The following STEAP1B variants were observed in gnomAD, a reference collection of about 807,000 sequenced individuals.
The protein encoded by STEAP1B is STEAP family protein MGC87042.
STEAP1B carries 13 observed loss-of-function variants against 27.9 expected under a neutral mutation model. The observed-to-expected ratio is 0.47, with a 90% CI of 0.30 to 0.74. The LOEUF (loss-of-function observed/expected upper bound fraction) is 0.74. STEAP1B is among the 30% of genes least tolerant of loss of function. The pLI, the probability that STEAP1B is intolerant of heterozygous loss-of-function variation, is 0.06. For missense variants in STEAP1B, 250 were observed against 298.7 expected, an observed-to-expected ratio of 0.84 and a Z score of 1.20; for synonymous variants, 86 against 107.1, an observed-to-expected ratio of 0.80 and a Z score of 1.22.
chr7:22,440,677 A>G (rs1490138180), intron 4 of STEAP1B, among the ~76,000 whole-genome samples: 1 of 152,220 alleles, frequency 6.6e-6, no homozygotes, highest in South Asian at 2.1e-4. Flanking sequence ...AATTACAAAA[A>G]TAATATGGCA....
At chr7:22,478,806 C>G (rs757954) in intron 4 of STEAP1B, among the ~76,000 whole-genome samples, 74,166 of 152,040 alleles carry the variant, frequency 0.49, 18,418 homozygotes, top group African/African-American at 0.57. Flanking sequence ...CTTGTTTTCT[C>G]AAATGCTTCT....
chr7:22,483,235 G>A (rs1377848441), intron 4 of STEAP1B, among the ~76,000 whole-genome samples: 1 of 151,848 alleles, frequency 6.6e-6, no homozygotes, highest in Non-Finnish European at 1.5e-5. Context: ...TACTCATTCT[G>A]TCATCTGGGA....
intron 2 of STEAP1B, among the ~76,000 whole-genome samples, chr7:22,494,458 G>C (rs1786402210): frequency 6.7e-6 from 1 of 150,118 alleles, no homozygotes; most frequent in Non-Finnish European, 1.5e-5. Context: ...TAGAACTATA[G>C]AGTGTTAGAA....
chr7:22,471,905 A>G (rs2128411026), intron 4 of STEAP1B, among the ~76,000 whole-genome samples: 1 of 151,666 alleles, frequency 6.6e-6, no homozygotes, highest in African/African-American at 2.4e-5. Flanking sequence ...AAAAAAAAAA[A>G]AAAAAAAAAA....
At chr7:22,456,972 A>ATATATATATATTTTTTTTTTTTTT in intron 4 of STEAP1B, among the ~76,000 whole-genome samples, 7 of 57,074 alleles carry the variant, frequency 1.2e-4, no homozygotes, top group South Asian at 1.0e-3. Context: ...ATATATATAT[A>ATATATATATATTTTTTTTTTTTTT]TTTTTTTTTT....
At chr7:22,446,443 C>G (rs542218415) in intron 4 of STEAP1B, among the ~76,000 whole-genome samples, 1 of 152,226 alleles carries the variant, frequency 6.6e-6, no homozygotes, top group Non-Finnish European at 1.5e-5. Flanking sequence ...CCCAGAAAGA[C>G]AGAATCGGGA....
intron 4 of STEAP1B, among the ~76,000 whole-genome samples, chr7:22,428,374 T>C (rs1403005594): frequency 6.6e-6 from 1 of 152,128 alleles, no homozygotes; most frequent in African/African-American, 2.4e-5. Flanking sequence ...TACCTTAAAA[T>C]GAATTCGATC....
chr7:22,467,982 C>T (rs186202332), intron 4 of STEAP1B, among the ~76,000 whole-genome samples: 272 of 152,226 alleles, frequency 1.8e-3, no homozygotes, highest in African/African-American at 6.2e-3. Flanking sequence ...AATGGGACCC[C>T]TAAAATATCA....
chr7:22,449,261 TA>T (rs1290724320), intron 4 of STEAP1B, among the ~76,000 whole-genome samples: 1 of 152,190 alleles, frequency 6.6e-6, no homozygotes, highest in Non-Finnish European at 1.5e-5. Flanking sequence ...TTGTACCCAT[TA>T]ACCATCCCCA....
At chr7:22,479,259 A>G (rs1786024802) in intron 4 of STEAP1B, among the ~76,000 whole-genome samples, 1 of 152,128 alleles carries the variant, frequency 6.6e-6, no homozygotes, top group Admixed American at 6.6e-5. Flanking sequence ...GGAAGAAACA[A>G]AAGGAGATAG....
At chr7:22,475,850 T>C (rs544543415) in intron 4 of STEAP1B, among the ~76,000 whole-genome samples, 4 of 152,272 alleles carry the variant, frequency 2.6e-5, no homozygotes, top group East Asian at 3.9e-4. Context: ...AGGTGGAGGT[T>C]ATTAGGGAAA....
chr7:22,492,088 G>A (rs1208873816), intron 4 of STEAP1B, among the ~76,000 whole-genome samples: 5 of 151,946 alleles, frequency 3.3e-5, no homozygotes, highest in African/African-American at 4.8e-5. Context: ...TTGGGAGGCC[G>A]AGGCGGGCAG....
intron 1 of STEAP1B, among the ~76,000 whole-genome samples, chr7:22,496,926 G>A (rs1786452402): frequency 6.6e-6 from 1 of 152,242 alleles, no homozygotes; most frequent in Non-Finnish European, 1.5e-5. Context: ...GGTACTCTTA[G>A]AATATTTTCC....
chr7:22,441,772 C>T (rs1166538707), intron 4 of STEAP1B, among the ~76,000 whole-genome samples: 1 of 152,210 alleles, frequency 6.6e-6, no homozygotes, highest in Non-Finnish European at 1.5e-5. Context: ...AATCTATAAC[C>T]AGACGTACTC....
chr7:22,491,620 T>C (rs371607361), intron 4 of STEAP1B, among the ~76,000 whole-genome samples: 4 of 152,152 alleles, frequency 2.6e-5, no homozygotes, highest in East Asian at 1.9e-4. Flanking sequence ...ATGTGAACAA[T>C]GTGAACAAGG....
chr7:22,432,681 A>C (rs1167685383), intron 4 of STEAP1B, among the ~76,000 whole-genome samples: 1 of 152,198 alleles, frequency 6.6e-6, no homozygotes, highest in Non-Finnish European at 1.5e-5. Flanking sequence ...CTCTGTAATG[A>C]GCCCCTTCAT....
At chr7:22,424,894 T>TG (rs1367562854) in intron 4 of STEAP1B, among the ~76,000 whole-genome samples, 3 of 36,428 alleles carry the variant, frequency 8.2e-5, no homozygotes, top group African/African-American at 1.7e-4. Flanking sequence ...AATTGTTAAG[T>TG]GAAAAAAAAA....
Position 22,498,853 on chromosome 7 carries a change from C to T in STEAP1B, c.-32+1261G>A, listed in dbSNP as rs186188177. On this transcript the variant is annotated intron_variant, in intron 1 of 4. Coordinates refer to ENST00000678116, the MANE Select transcript of STEAP1B (RefSeq NM_001382447.1). ...AAACCAGAGTGGCCCTGGAGAGTTA[C>T]CCAGCCATTTGTCTGCATGGTAAGG... 1.4e-3 allele frequency among the ~76,000 whole-genome samples: 209 copies of T among 152,318 alleles called. 1 individual carries two copies. The highest frequency in any genetic ancestry group is 2.4e-3 in the Non-Finnish European group (164 of 68,034).
At chr7:22,450,294 G>A (rs1420614019) in intron 4 of STEAP1B, among the ~76,000 whole-genome samples, 2 of 152,162 alleles carry the variant, frequency 1.3e-5, no homozygotes, top group Admixed American at 6.5e-5. Flanking sequence ...CTTTGTAGTA[G>A]TTTCATACTT....
Sources: gnomAD v4.1 joint callset for allele counts (sites outside exome capture counted in the v4.1 genomes callset) on GRCh38, gnomAD v4.1.1 for gene constraint, MANE v1.5 for transcripts, NCBI Gene and HGNC (gene_info 2026-07-23, HGNC 2026-07-21) for gene names.